LGALS1: variants seen among roughly 807,000 people sequenced by gnomAD.
LGALS1 encodes the protein galectin-1.
In LGALS1, 14 loss-of-function variants were observed where a neutral mutation model predicts 14.4. The ratio of observed to expected loss-of-function variants is 0.97; its 90% CI spans 0.64 to 1.52. LGALS1 has a LOEUF of 1.52. Among genes scored for constraint, LGALS1 ranks in the 40% most tolerant of loss-of-function variants. The pLI, the probability that LGALS1 is intolerant of heterozygous loss-of-function variation, is 0.00. For missense variants in LGALS1, 170 were observed against 181.4 expected (o/e 0.94, Z 0.36); for synonymous variants, 71 against 73.4 (o/e 0.97, Z 0.17).
intron 2 of LGALS1, 54 bp from the exon 3 acceptor site, chr22:37,678,429 T>A: frequency 6.3e-7 from 1 of 1,595,820 alleles, no homozygotes; most frequent in Non-Finnish European, 8.6e-7. Context: ...GATTAGTCGG[T>A]CAGTGGGGCT....
At chr22:37,679,081 A>C (rs1389075969) in intron 3 of LGALS1, among the ~76,000 whole-genome samples, 1 of 148,930 alleles carries the variant, frequency 6.7e-6, no homozygotes, top group Admixed American at 6.8e-5. Flanking sequence ...CAGTGAGCCG[A>C]GATTGCACCA....
chr22:37,678,767 T>C, intron 3 of LGALS1, 113 bp downstream of exon 3: 4 of 1,076,658 alleles, frequency 3.7e-6, no homozygotes, highest in Non-Finnish European at 5.2e-6. Flanking sequence ...TCCCCTTCCC[T>C]CCCTTCCTGT....
Position 37,676,972 on chromosome 22 carries a change from G to GCTTGTCTGTGCAGGGT in LGALS1, c.10-11_14dup. 1 of 1,614,036 alleles carries GCTTGTCTGTGCAGGGT rather than the reference G, an allele frequency of 6.2e-7. No homozygotes were observed. The highest frequency in any genetic ancestry group is 2.2e-5 in the East Asian group (1 of 44,868). ...TGTCCTCTAACCCGGCTGGGCCGGG[G>GCTTGTCTGTGCAGGGT]CTTGTCTGTGCAGGGTCTGGTCGCC... On this transcript the variant is annotated splice_polypyrimidine_tract_variant and intron_variant, in intron 1 of 3. Coordinates refer to ENST00000215909, the MANE Select transcript of LGALS1 (RefSeq NM_002305.4).
intron 3 of LGALS1, 86 bp from the exon 4 acceptor site, chr22:37,679,515 CTG>C: frequency 1.7e-6 from 2 of 1,203,472 alleles, no homozygotes; most frequent in South Asian, 1.9e-5. Flanking sequence ...CAGCCACAAA[CTG>C]GGGCTGTGTC....
chr22:37,677,317 T>G, intron 2 of LGALS1: 2 of 505,978 alleles, frequency 4.0e-6, no homozygotes, highest in Non-Finnish European at 7.2e-6. Flanking sequence ...CTGTAATACC[T>G]TGACTCCCCC....
In LGALS1 at chr22:37,679,714, G is replaced by A. The variant is rs767880851; in HGVS notation, c.373G>A (p.Gly125Ser). 2.2e-5 allele frequency: 35 copies of A among 1,607,874 alleles called. No individual in the cohort carries two copies. The highest frequency in any genetic ancestry group is 2.7e-5 in the African/African-American group (2 of 74,726). Residue 125 changes from glycine to serine, a missense_variant, in exon 4 of 4, where the codon GGT (glycine) becomes AGT (serine). Gly to Ser is a moderately conservative substitution (Grantham distance 56). Transcript: ENST00000215909. ...LEAINYMAAD[G>S]DFKIKCVAFD ...GGCCATCAACTACATGGCAGCTGAC[G>A]GTGACTTCAAGATCAAATGTGTGGC...
intron 3 of LGALS1, 22 bp from the exon 4 acceptor site, chr22:37,679,581 C>T: frequency 6.4e-7 from 1 of 1,566,972 alleles, no homozygotes; most frequent in Non-Finnish European, 8.7e-7. Flanking sequence ...GGGCCCGGCT[C>T]ACTGCTCTCC....
In LGALS1 at chr22:37,679,634, C is replaced by G. The variant is rs765912032; in HGVS notation, c.293C>G (p.Thr98Ser). ...ATCACCTTCGACCAGGCCAACCTGA[C>G]CGTCAAGCTGCCAGATGGATACGAA... is the stretch of plus-strand genomic sequence containing the variant. The part of the protein sequence containing the change: ...VCITFDQANL[T>S]VKLPDGYEFK... Residue 98 changes from threonine (T) to serine (S), a missense_variant, in exon 4 of 4, where the codon ACC (threonine) becomes AGC (serine). Physicochemically the swap from Thr to Ser is moderately conservative, Grantham distance 58. Transcript: ENST00000215909. 1 of 1,609,220 alleles carries G rather than the reference C, an allele frequency of 6.2e-7. No individual in the cohort carries two copies. The highest frequency in any genetic ancestry group is 8.5e-7 in the Non-Finnish European group (1 of 1,178,380).
At chr22:37,679,131 C>CAA (rs66507477) in intron 3 of LGALS1, among the ~76,000 whole-genome samples, 4,397 of 103,498 alleles carry the variant, frequency 0.042, 332 homozygotes, top group African/African-American at 0.16. Flanking sequence ...AACTCTGTCT[C>CAA]AAAAAAAAAA....
At chr22:37,677,275 C>T in intron 2 of LGALS1, 1 of 585,166 alleles carries the variant, frequency 1.7e-6, no homozygotes, top group Non-Finnish European at 3.1e-6. Flanking sequence ...CTGCTGTAGC[C>T]TCTTAAACTA....
Position 37,679,294 on chromosome 22 carries a change from G to A in LGALS1, c.262-309G>A, listed in dbSNP as rs187504255. On this transcript the variant is annotated intron_variant, in intron 3 of 3. Coordinates refer to ENST00000215909, the MANE Select transcript of LGALS1 (RefSeq NM_002305.4). ...ATAAATACAAAAATTAGCTGGGCGT[G>A]GTGGCACACAACTGTAGTCCTAGCT... Among the ~76,000 whole-genome samples the A allele has an allele frequency of 3.3e-5, 5 of 151,246 alleles. No homozygotes were observed. The East Asian group carries it at 9.8e-4, about 30-fold the overall frequency.
intron 2 of LGALS1, chr22:37,678,268 G>A: frequency 2.9e-6 from 2 of 688,924 alleles, no homozygotes; most frequent in Admixed American, 2.1e-5. Flanking sequence ...CAAGAATCAA[G>A]CGAGCCCTCC....
intron 3 of LGALS1, 112 bp from the exon 4 acceptor site, chr22:37,679,491 T>C (rs1921559834): frequency 1.1e-6 from 1 of 875,402 alleles, no homozygotes; most frequent in Non-Finnish European, 1.6e-6. Context: ...ATTATAAATG[T>C]ACCTCCGCAG....
chr22:37,676,908 C>G (rs775115288), intron 1 of LGALS1, 78 bp from the exon 2 acceptor site: 2 of 1,480,892 alleles, frequency 1.4e-6, no homozygotes, highest in Non-Finnish European at 1.9e-6. Context: ...CCCACTCCCA[C>G]CCCCAGCCAC....
intron 2 of LGALS1, 161 bp from the exon 3 acceptor site, chr22:37,678,322 G>T: frequency 1.3e-6 from 1 of 771,086 alleles, no homozygotes; most frequent in South Asian, 1.5e-5. Context: ...GGGAAGAGGG[G>T]CAGGAGCAGG....
In LGALS1 at chr22:37,678,618, G is replaced by A. The variant is rs762661525; in HGVS notation, c.225G>A (p.Glu75=). The A allele has an allele frequency of 1.2e-6, 2 of 1,611,830 alleles. No homozygotes were observed. Among genetic ancestry groups the A allele is most frequent in the East Asian group, 4.5e-5 (2 of 44,834 alleles). ...DGGAWGTEQR[E]AVFPFQPGSV... is the part of the protein sequence containing the mutation. ...GGGCCTGGGGGACCGAGCAGCGGGA[G>A]GCTGTCTTTCCCTTCCAGCCTGGAA... Residue 75 remains glutamate (E), a synonymous_variant, in exon 3 of 4, where the codon GAG becomes GAA. Coordinates refer to ENST00000215909, the MANE Select transcript of LGALS1 (RefSeq NM_002305.4).
Position 37,678,536 on chromosome 22 carries a change from C to T in LGALS1, c.143C>T (p.Pro48Leu), listed in dbSNP as rs762209359. Reference protein sequence around the residue: ...DSNNLCLHFNPRFNAHGDANT... With the variant: ...DSNNLCLHFNLRFNAHGDANT... Reference sequence around the variant, plus strand: ...AACAACCTGTGCCTGCACTTCAACCCTCGCTTCAACGCCCACGGCGACGCC... The same window carrying T: ...AACAACCTGTGCCTGCACTTCAACCTTCGCTTCAACGCCCACGGCGACGCC... The change falls in exon 3 of 4, where the codon CCT becomes CTT. Residue 48 changes from proline to leucine, a missense_variant. Physicochemically the swap from Pro to Leu is moderately conservative, Grantham distance 98. Transcript: ENST00000215909. The T allele has an allele frequency of 5.0e-6, 8 of 1,613,652 alleles. No individual in the cohort carries two copies. The South Asian group carries it at 8.8e-5, about 18-fold the overall frequency.
chr22:37,677,102 G>A, intron 2 of LGALS1, 37 bp downstream of exon 2: 3 of 1,604,154 alleles, frequency 1.9e-6, no homozygotes, highest in South Asian at 1.1e-5. Flanking sequence ...CGGCAGGGAC[G>A]GGCTTGGTCC....
At chr22:37,675,732 C>CA (rs1183854899) in intron 1 of LGALS1, 21 bp downstream of exon 1, 10 of 1,538,570 alleles carry the variant, frequency 6.5e-6, no homozygotes, top group Non-Finnish European at 8.8e-6. Context: ...GGACCCCCCC[C>CA]CAAGGTCCAG....
Sources: allele counts gnomAD v4.1 joint callset (sites outside exome capture counted in the v4.1 genomes callset), GRCh38; gene constraint gnomAD v4.1.1; transcripts MANE v1.5; gene names NCBI Gene and HGNC (gene_info 2026-07-23, HGNC 2026-07-21).